The following TBC1D4 variants were observed in gnomAD, a reference collection of about 807,000 sequenced individuals.
TBC1D4 encodes TBC1 domain family member 4.
Under a neutral mutation model 142.5 loss-of-function variants are expected in TBC1D4, and 121 were observed. The observed-to-expected ratio is 0.85, with a 90% CI of 0.73 to 0.99. TBC1D4 has a LOEUF of 0.99. Ranked by LOEUF, TBC1D4 falls within the 50% of genes least tolerant of loss-of-function variation. TBC1D4 has a pLI of 0.00. For synonymous variants in TBC1D4, 630 were observed against 628.2 expected, an observed-to-expected ratio of 1.00 and a Z score of -0.04; for missense variants, 1,475 against 1,606.6, an observed-to-expected ratio of 0.92 and a Z score of 1.40.
chr13:75,302,187 T>C lies in TBC1D4; in HGVS notation c.2911+56A>G, dbSNP rs1294552077. On this transcript the variant is annotated intron_variant, in intron 16 of 20. Transcript: ENST00000377636. ...AGAACAAACAAAAACCAAAAAAACT[T>C]AACAGAGGGATCAGCTGTTTACTTT... 2.5e-6 allele frequency: 4 copies of C among 1,609,154 alleles called. No individual in the cohort carries two copies. In the East Asian group the frequency reaches 8.9e-5, roughly 36 times the overall value.
chr13:75,410,071 A>G (rs1885558918), intron 1 of TBC1D4, among the ~76,000 whole-genome samples: 3 of 152,356 alleles, frequency 2.0e-5, no homozygotes, highest in Admixed American at 1.3e-4. Context: ...TAAACAAAAT[A>G]ACAGCACTCT....
chr13:75,435,802 T>C (rs972068539), intron 1 of TBC1D4, among the ~76,000 whole-genome samples: 4 of 152,150 alleles, frequency 2.6e-5, no homozygotes, highest in Non-Finnish European at 5.9e-5. Context: ...AAAGAATAAC[T>C]AGGGTATGGG....
chr13:75,345,712 G>A (rs564084748), intron 5 of TBC1D4, among the ~76,000 whole-genome samples: 3 of 150,834 alleles, frequency 2.0e-5, no homozygotes, highest in Non-Finnish European at 4.4e-5. Flanking sequence ...GGGCAACATG[G>A]TGAAACCCCG....
chr13:75,404,578 TG>T (rs1457951949), intron 1 of TBC1D4, among the ~76,000 whole-genome samples: 1 of 152,204 alleles, frequency 6.6e-6, no homozygotes, highest in African/African-American at 2.4e-5. Context: ...GACTGAGTGA[TG>T]GGTTTTAGGG....
intron 1 of TBC1D4, among the ~76,000 whole-genome samples, chr13:75,402,654 AACACACACACACACACACACAC>A (rs56176942): frequency 7.0e-6 from 1 of 142,362 alleles, no homozygotes; most frequent in African/African-American, 2.6e-5. Flanking sequence ...ATCCCTAGTA[AACACACACACACACACACACAC>A]ACACACACAC....
At chr13:75,361,088 C>T (rs1882464772) in intron 2 of TBC1D4, among the ~76,000 whole-genome samples, 1 of 152,190 alleles carries the variant, frequency 6.6e-6, no homozygotes, top group Admixed American at 6.5e-5. Flanking sequence ...TTAAGCGGAA[C>T]CTGACACCTT....
At chr13:75,378,240 A>G (rs1346982) in intron 1 of TBC1D4, among the ~76,000 whole-genome samples, 30,266 of 152,054 alleles carry the variant, frequency 0.2, 3,266 homozygotes, top group East Asian at 0.34. Flanking sequence ...AATTCTTCAA[A>G]TGCATATTAA....
At chr13:75,479,329 T>C (rs1250927369) in intron 1 of TBC1D4, among the ~76,000 whole-genome samples, 2 of 152,162 alleles carry the variant, frequency 1.3e-5, no homozygotes, top group Non-Finnish European at 2.9e-5. Flanking sequence ...ACAGGAAAGT[T>C]AGAGGTTTTC....
At chr13:75,422,805 T>A (rs1196333313) in intron 1 of TBC1D4, among the ~76,000 whole-genome samples, 2 of 152,214 alleles carry the variant, frequency 1.3e-5, no homozygotes, top group Non-Finnish European at 2.9e-5. Context: ...GGATTATCTT[T>A]AACTTGATAA....
chr13:75,370,257 AGACGTGG>A (rs1161095159), intron 1 of TBC1D4, among the ~76,000 whole-genome samples: 1 of 152,158 alleles, frequency 6.6e-6, no homozygotes, highest in Non-Finnish European at 1.5e-5. Context: ...CAGTTGTGGG[AGACGTGG>A]GAGATCTAAA....
intron 1 of TBC1D4, chr13:75,366,909 G>T: frequency 1.0e-6 from 1 of 984,930 alleles, no homozygotes; most frequent in Non-Finnish European, 1.2e-6. Context: ...ACTAAGGAAA[G>T]ATACCTTTGA....
chr13:75,287,658 T>C (rs1008463833), intron 20 of TBC1D4, among the ~76,000 whole-genome samples: 8 of 152,322 alleles, frequency 5.3e-5, no homozygotes, highest in African/African-American at 1.7e-4. Flanking sequence ...TTGCCCTTTT[T>C]TGAATAGAAA....
chr13:75,321,039 CAAA>C (rs760227205), intron 11 of TBC1D4, among the ~76,000 whole-genome samples: 3 of 123,356 alleles, frequency 2.4e-5, no homozygotes, highest in Non-Finnish European at 1.7e-5. Flanking sequence ...GACTCCATCT[CAAA>C]AAAAAAAAAA....
Position 75,286,777 on chromosome 13 carries a change from G to A in TBC1D4, c.*15C>T. The A allele has an allele frequency of 6.2e-7, 1 of 1,611,146 alleles. No homozygotes were observed. Among genetic ancestry groups the A allele is most frequent in the Non-Finnish European group, 8.5e-7 (1 of 1,178,178 alleles). On this transcript the variant is annotated 3_prime_UTR_variant, in exon 21 of 21. Coordinates refer to ENST00000377636, the MANE Select transcript of TBC1D4 (RefSeq NM_014832.5). ...ATTCTAAGGAGCACTTTCTGCTGAG[G>A]CCGTGCCTCTTCAATTATGGCTTAT...
chr13:75,481,733 A>T lies in TBC1D4; in HGVS notation c.35T>A (p.Phe12Tyr). 1 of 1,595,382 alleles carries T rather than the reference A, an allele frequency of 6.3e-7. No homozygotes were observed. The highest frequency in any genetic ancestry group is 8.5e-7 in the Non-Finnish European group (1 of 1,173,496). ...EPPSCIQDEP[F>Y]PHPLEPEPGV... Reference sequence around the variant, plus strand: ...CGGCTCGGGCTCCAGGGGGTGCGGGAACGGCTCATCCTGAATGCAGCTGGG... The same window carrying T: ...CGGCTCGGGCTCCAGGGGGTGCGGGTACGGCTCATCCTGAATGCAGCTGGG... The change falls in exon 1 of 21, where the codon TTC becomes TAC. Residue 12 changes from phenylalanine (F) to tyrosine (Y), a missense_variant. Transcript: ENST00000377636.
chr13:75,290,195 TAAGCA>T (rs1398790947), intron 19 of TBC1D4, among the ~76,000 whole-genome samples: 1 of 152,118 alleles, frequency 6.6e-6, no homozygotes, highest in African/African-American at 2.4e-5. Flanking sequence ...TATGTATATA[TAAGCA>T]AAGAAACATG....
At chr13:75,468,560 C>T (rs1391666106) in intron 1 of TBC1D4, among the ~76,000 whole-genome samples, 1 of 151,658 alleles carries the variant, frequency 6.6e-6, no homozygotes, top group African/African-American at 2.4e-5. Context: ...TCAAATTAGA[C>T]AACAAAATAT....
intron 1 of TBC1D4, among the ~76,000 whole-genome samples, chr13:75,401,422 A>G (rs1307231072): frequency 6.6e-6 from 1 of 152,204 alleles, no homozygotes; most frequent in African/African-American, 2.4e-5. Flanking sequence ...AACTATCCTT[A>G]GTCAATGCCT....
intron 1 of TBC1D4, among the ~76,000 whole-genome samples, chr13:75,440,060 G>T (rs987566774): frequency 2.0e-5 from 3 of 152,010 alleles, no homozygotes; most frequent in Non-Finnish European, 4.4e-5. Context: ...AGCATTTTTT[G>T]ATATACTATG....
Sources: gnomAD v4.1 joint callset for allele counts (sites outside exome capture counted in the v4.1 genomes callset) on GRCh38, gnomAD v4.1.1 for gene constraint, MANE v1.5 for transcripts, NCBI Gene and HGNC (gene_info 2026-07-23, HGNC 2026-07-21) for gene names.